LNP1: variants seen among roughly 807,000 people sequenced by gnomAD.
LNP1 encodes leukemia NUP98 fusion partner 1.
A neutral mutation model predicts 14.5 loss-of-function variants in LNP1; 12 were observed. That is an observed-to-expected ratio of 0.83 (90% CI 0.53 to 1.34). LNP1 has a LOEUF of 1.34. LNP1 is among the 40% of genes most tolerant of loss of function. The pLI is 0.00. For synonymous variants in LNP1, 75 were observed against 71.4 expected (o/e 1.05, Z -0.26); for missense variants, 198 against 210.9 (o/e 0.94, Z 0.38).
At position 100,456,107 on chromosome 3, in the gene LNP1, C is replaced by T. The variant is rs1576239469; in HGVS notation, c.*181C>T. ...TATGTAGCTGCTCCAAGATGACTTG[C>T]ATCATACCCCAATTACTGCTGGCAT... On this transcript the variant is annotated 3_prime_UTR_variant, in exon 4 of 4. Transcript: ENST00000383693. The T allele has an allele frequency of 7.3e-6, 4 of 550,340 alleles. No individual in the cohort carries two copies. The highest frequency in any genetic ancestry group is 3.8e-5 in the African/African-American group (2 of 52,312). 34.1% of individuals were successfully genotyped at this position (550,340 alleles called of 1,614,324 possible). A position where few individuals can be genotyped will look rare whatever the true frequency, so the allele number is the denominator to read the frequency against.
intron 2 of LNP1, among the ~76,000 whole-genome samples, chr3:100,450,628 C>T (rs1386849994): frequency 5.9e-5 from 9 of 152,148 alleles, no homozygotes; most frequent in Non-Finnish European, 1.2e-4. Flanking sequence ...TGAGCCACCA[C>T]GCCTGGCCTG....
intron 1 of LNP1, among the ~76,000 whole-genome samples, chr3:100,405,926 A>G (rs1706961092): frequency 6.6e-6 from 1 of 152,084 alleles, no homozygotes; most frequent in Non-Finnish European, 1.5e-5. Context: ...CTGCCCACCC[A>G]TGCCTCCCTT....
intron 1 of LNP1, among the ~76,000 whole-genome samples, chr3:100,403,490 G>C (rs1243344905): frequency 6.6e-6 from 1 of 151,124 alleles, no homozygotes; most frequent in Admixed American, 6.6e-5. Context: ...TTGAGATGGA[G>C]TTTCGCTCTT....
At chr3:100,445,909 T>C (rs1193261095) in intron 2 of LNP1, among the ~76,000 whole-genome samples, 1 of 152,132 alleles carries the variant, frequency 6.6e-6, no homozygotes, top group African/African-American at 2.4e-5. Context: ...GAAGGACCTC[T>C]TCAAGGAAAA....
chr3:100,432,352 A>G (rs1207474072), intron 2 of LNP1, among the ~76,000 whole-genome samples: 1 of 151,966 alleles, frequency 6.6e-6, no homozygotes, highest in East Asian at 1.9e-4. Context: ...GATTCACACA[A>G]AACCACAGTG....
intron 1 of LNP1, among the ~76,000 whole-genome samples, chr3:100,414,375 C>T (rs1707060215): frequency 1.3e-5 from 2 of 151,900 alleles, no homozygotes; most frequent in Non-Finnish European, 1.5e-5. Context: ...CGTGAAACCT[C>T]GTCTCTACTA....
chr3:100,439,642 C>T (rs1030053473), intron 2 of LNP1, among the ~76,000 whole-genome samples: 3 of 152,086 alleles, frequency 2.0e-5, no homozygotes, highest in Non-Finnish European at 2.9e-5. Context: ...ATAGTTTTAC[C>T]CCGTTCTACC....
intron 1 of LNP1, among the ~76,000 whole-genome samples, chr3:100,407,878 GCTCT>G (rs1394419479): frequency 3.3e-5 from 5 of 151,886 alleles, no homozygotes; most frequent in South Asian, 2.1e-4. Flanking sequence ...TGCTCTTGAT[GCTCT>G]CTATTACATT....
intron 2 of LNP1, among the ~76,000 whole-genome samples, chr3:100,446,370 A>G (rs528347929): frequency 3.3e-5 from 5 of 152,366 alleles, no homozygotes; most frequent in Admixed American, 6.5e-5. Context: ...TATTTAAGAA[A>G]TGGTGCTGGG....
At chr3:100,427,434 T>C (rs2148902912) in intron 1 of LNP1, among the ~76,000 whole-genome samples, 1 of 152,310 alleles carries the variant, frequency 6.6e-6, no homozygotes, top group Non-Finnish European at 1.5e-5. Context: ...TTGAATTCTG[T>C]AGGTAACTTT....
chr3:100,418,356 C>T (rs1707108994), intron 1 of LNP1, among the ~76,000 whole-genome samples: 1 of 152,048 alleles, frequency 6.6e-6, no homozygotes, highest in Non-Finnish European at 1.5e-5. Context: ...CCATGCTCCG[C>T]TTCACATCAC....
chr3:100,420,493 A>T (rs796661665), intron 1 of LNP1, among the ~76,000 whole-genome samples: 5 of 151,868 alleles, frequency 3.3e-5, no homozygotes, highest in Admixed American at 6.6e-5. Context: ...TTTAAAAAAA[A>T]TTTTATAGAG....
intron 2 of LNP1, among the ~76,000 whole-genome samples, chr3:100,445,683 A>T (rs1323703465): frequency 1.3e-5 from 2 of 152,076 alleles, no homozygotes; most frequent in South Asian, 2.1e-4. Flanking sequence ...TTTTTAAAAA[A>T]ATATATTTAG....
intron 1 of LNP1, among the ~76,000 whole-genome samples, chr3:100,408,288 C>T (rs1272887184): frequency 3.3e-5 from 5 of 152,182 alleles, no homozygotes; most frequent in South Asian, 4.1e-4. Context: ...GTGTGGTCTC[C>T]GAGCCTGTGA....
intron 1 of LNP1, among the ~76,000 whole-genome samples, chr3:100,415,069 T>G (rs1707068253): frequency 6.6e-6 from 1 of 152,168 alleles, no homozygotes; most frequent in African/African-American, 2.4e-5. Flanking sequence ...CTTTAAACTT[T>G]TAGGAGAAAA....
intron 1 of LNP1, among the ~76,000 whole-genome samples, chr3:100,424,349 A>G (rs1469413030): frequency 6.6e-6 from 1 of 152,236 alleles, no homozygotes; most frequent in African/African-American, 2.4e-5. Flanking sequence ...TTATAGTGCA[A>G]AGATACAAAG....
At chr3:100,424,679 G>T (rs1437016802) in intron 1 of LNP1, among the ~76,000 whole-genome samples, 1 of 152,192 alleles carries the variant, frequency 6.6e-6, no homozygotes, top group Non-Finnish European at 1.5e-5. Flanking sequence ...TAAGGAAAAT[G>T]TTATGTCACT....
intron 2 of LNP1, among the ~76,000 whole-genome samples, chr3:100,446,220 CA>C (rs1418505118): frequency 3.9e-5 from 6 of 152,198 alleles, no homozygotes; most frequent in Non-Finnish European, 7.3e-5. Flanking sequence ...CCATAGTAAC[CA>C]AAACAGCATG....
chr3:100,447,309 T>C (rs1707397369), intron 2 of LNP1, among the ~76,000 whole-genome samples: 1 of 152,122 alleles, frequency 6.6e-6, no homozygotes, highest in South Asian at 2.1e-4. Context: ...GGGACATGGA[T>C]GAAGTTGGAA....
Sources: gnomAD v4.1 joint callset for allele counts (sites outside exome capture counted in the v4.1 genomes callset) on GRCh38, gnomAD v4.1.1 for gene constraint, MANE v1.5 for transcripts, NCBI Gene and HGNC (gene_info 2026-07-23, HGNC 2026-07-21) for gene names.